WRNIP1: variants seen among roughly 807,000 people sequenced by gnomAD.
WRNIP1 encodes the protein ATPase WRNIP1.
In WRNIP1, 41 loss-of-function variants were observed where a neutral mutation model predicts 56.1. That is an observed-to-expected ratio of 0.73 (90% confidence interval 0.57 to 0.95). WRNIP1 has a LOEUF of 0.95. Ranked by LOEUF, WRNIP1 falls within the 40% of genes least tolerant of loss-of-function variation. WRNIP1 has a pLI of 0.00. For synonymous variants in WRNIP1, 547 were observed against 398.1 expected (o/e 1.37, Z -4.45); for missense variants, 1,170 against 939.4 (o/e 1.25, Z -3.21).
rs137941811 is a variant in WRNIP1, at chr6:2,767,507, T to G, written c.822+1063T>G. Among the ~76,000 whole-genome samples the G allele has an allele frequency of 5.5e-3, 834 of 152,360 alleles. 9 individuals are homozygous for G. Among genetic ancestry groups the G allele is most frequent in the African/African-American group, 0.018 (767 of 41,580 alleles). ...TGGAATGAATTGCCCTTTTTGTGCC[T>G]TCTTGTTTGCACTCATGCCTTCCCT... On this transcript the variant is annotated intron_variant, in intron 1 of 6. Coordinates refer to ENST00000380773, the MANE Select transcript of WRNIP1 (RefSeq NM_020135.3).
chr6:2,766,084 G>A lies in WRNIP1; in HGVS notation c.462G>A (p.Pro154=). The stretch of plus-strand genomic sequence containing the variant: ...CCGCCGCGGCGGGGAGCGCGTCTCC[G>A]CGCAGCTGGGACGAGGCGGAGGCGC... ...AAAAAAGSAS[P]RSWDEAEAQE... Residue 154 remains proline (P), a synonymous_variant, in exon 1 of 7, where the codon CCG becomes CCA. Transcript: ENST00000380773. The A allele has an allele frequency of 7.7e-7, 1 of 1,304,902 alleles. No homozygotes were observed. The highest frequency in any genetic ancestry group is 9.7e-7 in the Non-Finnish European group (1 of 1,032,718). 80.8% of individuals were successfully genotyped at this position (1,304,902 alleles called of 1,614,324 possible).
At chr6:2,770,391 G>A (rs772042858) in intron 3 of WRNIP1, 30 bp downstream of exon 3, 4 of 1,612,290 alleles carry the variant, frequency 2.5e-6, no homozygotes, top group East Asian at 2.2e-5. Context: ...CGTCCTGGGG[G>A]CACACACCTC....
intron 3 of WRNIP1, chr6:2,773,397 C>T: frequency 2.0e-6 from 2 of 985,332 alleles, no homozygotes; most frequent in South Asian, 9.4e-5. Flanking sequence ...ATGTGAAATC[C>T]AGTATTTCAC....
rs1474918089 is a variant in WRNIP1, at chr6:2,783,983, T to C, written c.1643-341T>C. Among the ~76,000 whole-genome samples the C allele has an allele frequency of 2.6e-5, 4 of 152,144 alleles. No individual in the cohort carries two copies. In the East Asian group the frequency reaches 7.7e-4, roughly 29 times the overall value. On this transcript the variant is annotated intron_variant, in intron 5 of 6. Transcript: ENST00000380773. ...AAAAAGATCAGGAAAGCTCTCCTCT[T>C]CTTTGGTCTTAGGGGATGTTTTGTT...
chr6:2,769,168 T>C (rs1765169972), intron 2 of WRNIP1, among the ~76,000 whole-genome samples: 3 of 152,152 alleles, frequency 2.0e-5, no homozygotes, highest in African/African-American at 7.2e-5. Context: ...ATTTTTAATC[T>C]AAATACTAGG....
At chr6:2,777,571 A>C (rs1303444207) in intron 3 of WRNIP1, among the ~76,000 whole-genome samples, 2 of 152,174 alleles carry the variant, frequency 1.3e-5, no homozygotes, top group Non-Finnish European at 2.9e-5. Flanking sequence ...GTCTTCCCAC[A>C]CAGGTTGAGT....
chr6:2,784,325 T>A lies in WRNIP1; in HGVS notation c.1644T>A (p.Gly548=), dbSNP rs748325714. 1 of 1,612,534 alleles carries A rather than the reference T, an allele frequency of 6.2e-7. No individual in the cohort carries two copies. The highest frequency in any genetic ancestry group is 8.5e-7 in the Non-Finnish European group (1 of 1,179,274). The part of the protein sequence containing the change: ...RLVRFASEDI[G]LADPSALTQA... Reference sequence around the variant, plus strand: ...CTCCTTTGTCTCTGTGTGTGGCAGGTCTGGCAGACCCGTCTGCGTTAACAC... The same window carrying A: ...CTCCTTTGTCTCTGTGTGTGGCAGGACTGGCAGACCCGTCTGCGTTAACAC... The change falls in exon 6 of 7, where the codon GGT becomes GGA. Residue 548 remains glycine (G), a splice_region_variant and synonymous_variant. Transcript: ENST00000380773.
At chr6:2,784,870 C>A in intron 6 of WRNIP1, 137 bp from the exon 7 acceptor site, 1 of 1,135,924 alleles carries the variant, frequency 8.8e-7, no homozygotes, top group Non-Finnish European at 1.2e-6. Flanking sequence ...GTTATCCAGA[C>A]TGTAGGCGCA....
At chr6:2,771,739 C>T (rs529267124) in intron 3 of WRNIP1, among the ~76,000 whole-genome samples, 26 of 152,264 alleles carry the variant, frequency 1.7e-4, no homozygotes, top group African/African-American at 6.0e-4. Context: ...CTTCTGGTCC[C>T]AGGCACTTCA....
Position 2,766,087 on chromosome 6 carries a change from C to T in WRNIP1, c.465C>T (p.Arg155=), listed in dbSNP as rs1764955423. The change falls in exon 1 of 7, where the codon CGC becomes CGT. Residue 155 remains arginine, a synonymous_variant. Transcript: ENST00000380773. Reference sequence around the variant, plus strand: ...CCGCGGCGGGGAGCGCGTCTCCGCGCAGCTGGGACGAGGCGGAGGCGCAGG... The same window carrying T: ...CCGCGGCGGGGAGCGCGTCTCCGCGTAGCTGGGACGAGGCGGAGGCGCAGG... The part of the protein sequence containing the change: ...AAAAAGSASP[R]SWDEAEAQEE... 3 of 1,311,888 alleles carry T rather than the reference C, an allele frequency of 2.3e-6. No individual in the cohort carries two copies. Among genetic ancestry groups the T allele is most frequent in the Middle Eastern group, 2.9e-4 (1 of 3,490 alleles). 81.3% of individuals were successfully genotyped at this position (1,311,888 alleles called of 1,614,324 possible).
chr6:2,783,741 C>T (rs1050499620), intron 5 of WRNIP1, among the ~76,000 whole-genome samples, 180 bp downstream of exon 5: 1 of 147,496 alleles, frequency 6.8e-6, no homozygotes, highest in Non-Finnish European at 1.5e-5. Context: ...TGCCTGAGCT[C>T]AGTCGTTTAT....
At chr6:2,783,323 C>T (rs980304146) in intron 4 of WRNIP1, 83 bp from the exon 5 acceptor site, 4 of 1,426,292 alleles carry the variant, frequency 2.8e-6, no homozygotes, top group East Asian at 2.6e-5. Context: ...TTCAGGCTTT[C>T]TGGAAGTCAG....
intron 3 of WRNIP1, 115 bp from the exon 4 acceptor site, chr6:2,779,148 C>A: frequency 1.9e-6 from 2 of 1,073,992 alleles, no homozygotes; most frequent in Non-Finnish European, 2.7e-6. Context: ...GAATAAGAGG[C>A]AAAGGCCTTG....
At position 2,779,469 on chromosome 6, in the gene WRNIP1, C is replaced by A. The variant is rs777375350; in HGVS notation, c.1463C>A (p.Ser488Tyr). The change falls in exon 4 of 7, where the codon TCC (serine) becomes TAC (tyrosine). Residue 488 changes from serine to tyrosine, a missense_variant. Coordinates refer to ENST00000380773, the MANE Select transcript of WRNIP1 (RefSeq NM_020135.3). ...ENDVKEGLQRSHILYDRAGEE... is the reference protein window; with the variant it reads ...ENDVKEGLQRYHILYDRAGEE... ...GACGTGAAGGAGGGCCTACAGCGAT[C>A]CCACATTTTATATGACCGGGCAGGT... 4.3e-5 allele frequency: 70 copies of A among 1,613,876 alleles called. No homozygotes were observed. Among genetic ancestry groups the A allele is most frequent in the Non-Finnish European group, 5.8e-5 (68 of 1,179,954 alleles).
chr6:2,765,510 G>C lies in WRNIP1; in HGVS notation c.-113G>C. On this transcript the variant is annotated 5_prime_UTR_variant, in exon 1 of 7. Coordinates refer to ENST00000380773, the MANE Select transcript of WRNIP1 (RefSeq NM_020135.3). ...TCCTCCGGCCCGCGAGCGTCCTGCT[G>C]GTTCCCCGAGCGAGGGTCTCGCGGC... is the stretch of plus-strand genomic sequence containing the variant. The C allele has an allele frequency of 7.9e-7, 1 of 1,264,310 alleles. No homozygotes were observed. Among genetic ancestry groups the C allele is most frequent in the Non-Finnish European group, 1.0e-6 (1 of 1,001,000 alleles). 78.3% of individuals were successfully genotyped at this position (1,264,310 alleles called of 1,614,324 possible). A position where few individuals can be genotyped will look rare whatever the true frequency, so the allele number is the denominator to read the frequency against.
At chr6:2,768,132 C>T (rs1418200278) in intron 1 of WRNIP1, among the ~76,000 whole-genome samples, 3 of 152,212 alleles carry the variant, frequency 2.0e-5, no homozygotes, top group African/African-American at 7.2e-5. Context: ...CACAGTGCTG[C>T]CCTTCATCTC....
At position 2,768,761 on chromosome 6, in the gene WRNIP1, C is replaced by G; in HGVS notation, c.893C>G (p.Thr298Arg). ...ATAAGGTTTGTGACATTATCTGCAA[C>G]AAATGCCAAGACAAATGATGTGCGA... ...HSIRFVTLSATNAKTNDVRDV... is the reference protein window; with the variant it reads ...HSIRFVTLSARNAKTNDVRDV... Residue 298 changes from threonine (T) to arginine (R), a missense_variant, in exon 2 of 7, where the codon ACA becomes AGA. Thr to Arg is a moderately conservative substitution (Grantham distance 71). Coordinates refer to ENST00000380773, the MANE Select transcript of WRNIP1 (RefSeq NM_020135.3). 1 of 1,613,804 alleles carries G rather than the reference C, an allele frequency of 6.2e-7. No individual in the cohort carries two copies. The highest frequency in any genetic ancestry group is 8.5e-7 in the Non-Finnish European group (1 of 1,179,820).
intron 1 of WRNIP1, among the ~76,000 whole-genome samples, chr6:2,767,757 T>G (rs1309779940): frequency 1.3e-5 from 2 of 152,172 alleles, no homozygotes; most frequent in Non-Finnish European, 2.9e-5. Context: ...GTGGGTGAGC[T>G]CATCCCACCT....
At position 2,765,432 on chromosome 6, in the gene WRNIP1, G is replaced by C. The variant is rs1037150056; in HGVS notation, c.-191G>C. ...GCCGCGTGAGGCGCTGCCAGCGGCC[G>C]GCCGAGGGCGGGCGGACGCGGGAGC... On this transcript the variant is annotated 5_prime_UTR_variant, in exon 1 of 7. Transcript: ENST00000380773. The C allele has an allele frequency of 3.4e-6, 2 of 589,058 alleles. No homozygotes were observed. The highest frequency in any genetic ancestry group is 4.4e-5 in the East Asian group (1 of 22,844). The allele number at this position is 589,058 out of a possible 1,614,324, so 36.5% of individuals were successfully genotyped here. A position where few individuals can be genotyped will look rare whatever the true frequency, so the allele number is the denominator to read the frequency against.
Sources: gnomAD v4.1 joint callset for allele counts (sites outside exome capture counted in the v4.1 genomes callset) on GRCh38, gnomAD v4.1.1 for gene constraint, MANE v1.5 for transcripts, NCBI Gene and HGNC (gene_info 2026-07-23, HGNC 2026-07-21) for gene names.